ADGRG2: variants seen among roughly 807,000 people sequenced by gnomAD.
The protein encoded by ADGRG2 is adhesion G protein-coupled receptor G2.
ADGRG2 carries 26 observed loss-of-function variants against 74.1 expected under a neutral mutation model. The ratio of observed to expected loss-of-function variants is 0.35; its 90% CI spans 0.26 to 0.49. ADGRG2 has a LOEUF of 0.49. Among genes scored for constraint, ADGRG2 ranks in the 20% least tolerant of loss-of-function variants. The pLI, the probability that ADGRG2 is intolerant of heterozygous loss-of-function variation, is 0.99. For missense variants in ADGRG2, 619 were observed against 763.1 expected (o/e 0.81, Z 2.22); for synonymous variants, 296 against 295.2 (o/e 1.00, Z -0.03).
rs1226501121 is a variant in ADGRG2 at position 18,990,130 on chromosome X, C to A, written c.*734G>T. 1 of 112,668 alleles carries A rather than the reference C, an allele frequency of 8.9e-6. No individual in the cohort carries two copies. The highest frequency in any genetic ancestry group is 2.8e-4 in the East Asian group (1 of 3,550). 9.3% of individuals were successfully genotyped at this position (112,668 alleles called of 1,213,427 possible). ...TGGTCTCTCCACTCTGTTTGTCAAACCATGAGCCCATAGGGCTGTGTCTGC... is the reference window on the plus strand; with the variant it reads ...TGGTCTCTCCACTCTGTTTGTCAAAACATGAGCCCATAGGGCTGTGTCTGC... On this transcript the variant is annotated 3_prime_UTR_variant, in exon 29 of 29. Transcript: ENST00000379869.
At chrX:19,018,908 C>T (rs2060526133) in intron 15 of ADGRG2, among the ~76,000 whole-genome samples, 1 of 111,679 alleles carries the variant, frequency 9.0e-6, no homozygotes, top group Non-Finnish European at 1.9e-5. Flanking sequence ...AGTGGCGCAA[C>T]CTCGGCTCAC....
intron 3 of ADGRG2, among the ~76,000 whole-genome samples, chrX:19,051,301 C>T (rs1008422269): frequency 1.8e-5 from 2 of 111,054 alleles, no homozygotes; most frequent in Non-Finnish European, 3.8e-5. Context: ...GTCTCGATCT[C>T]CTGACCTCGT....
At chrX:19,042,812 G>A (rs952451888) in intron 3 of ADGRG2, among the ~76,000 whole-genome samples, 49 of 111,043 alleles carry the variant, frequency 4.4e-4, no homozygotes, top group Admixed American at 1.4e-3. Context: ...CCAACATGGC[G>A]AAACCCCGTC....
At chrX:19,096,576 T>C (rs894477549) in intron 1 of ADGRG2, among the ~76,000 whole-genome samples, 2 of 111,856 alleles carry the variant, frequency 1.8e-5, no homozygotes, top group African/African-American at 6.5e-5. Flanking sequence ...CCATAAATAT[T>C]ACAAGCTGCT....
intron 26 of ADGRG2, among the ~76,000 whole-genome samples, chrX:18,998,327 T>C (rs1267532855): frequency 9.1e-6 from 1 of 109,801 alleles, no homozygotes; most frequent in East Asian, 2.8e-4. Context: ...ATACAAAAGT[T>C]TTTTTTTTTA....
At chrX:19,045,173 T>C (rs1474155715) in intron 3 of ADGRG2, among the ~76,000 whole-genome samples, 4 of 110,840 alleles carry the variant, frequency 3.6e-5, no homozygotes, top group Non-Finnish European at 7.5e-5. Context: ...TCATTGCTTG[T>C]AGACCTGAGA....
intron 3 of ADGRG2, among the ~76,000 whole-genome samples, chrX:19,051,298 T>A (rs1391494078): frequency 9.0e-6 from 1 of 110,841 alleles, no homozygotes; most frequent in African/African-American, 3.3e-5. Flanking sequence ...ATGGTCTCGA[T>A]CTCCTGACCT....
chrX:19,001,065 G>A (rs1289271139), intron 24 of ADGRG2, among the ~76,000 whole-genome samples: 1 of 111,268 alleles, frequency 9.0e-6, no homozygotes, highest in Non-Finnish European at 1.9e-5. Context: ...TGTCTGGAAT[G>A]TATATTTAAG....
At chrX:19,099,535 G>A (rs1335890692) in intron 1 of ADGRG2, among the ~76,000 whole-genome samples, 2 of 112,233 alleles carry the variant, frequency 1.8e-5, no homozygotes, top group Non-Finnish European at 3.8e-5. Context: ...GCAGGGCACA[G>A]AGAGGTTAAA....
chrX:19,108,167 A>T (rs2062347946), intron 1 of ADGRG2, among the ~76,000 whole-genome samples: 1 of 108,505 alleles, frequency 9.2e-6, no homozygotes, highest in Non-Finnish European at 1.9e-5. Flanking sequence ...CTAGAACTTA[A>T]TAAAAAAAGT....
In ADGRG2 at chrX:19,093,300, C is replaced by G. The variant is rs6629315; in HGVS notation, c.-46-10554G>C. 0.015 allele frequency among the ~76,000 whole-genome samples: 1,697 copies of G among 111,758 alleles called. 57 individuals carry two copies. In the East Asian group the frequency reaches 0.18, roughly 12 times the overall value. ...TCAGATCTCAGGTTACTCCTCCTCT[C>G]AGCAGTCTTGAATGGTAGATCCCAC... On this transcript the variant is annotated intron_variant, in intron 1 of 28. Transcript: ENST00000379869.
intron 3 of ADGRG2, among the ~76,000 whole-genome samples, chrX:19,042,476 C>T (rs747398342): frequency 9.0e-6 from 1 of 111,273 alleles, no homozygotes; most frequent in Non-Finnish European, 1.9e-5. Flanking sequence ...GGCCATAGTT[C>T]CAACCTTCTC....
intron 7 of ADGRG2, chrX:19,035,080 A>G (rs2060910466): frequency 8.9e-6 from 1 of 112,501 alleles, no homozygotes; most frequent in Non-Finnish European, 1.9e-5. Flanking sequence ...ACTAGTAATC[A>G]TGAATGAAAA....
chrX:19,011,450 T>C, intron 16 of ADGRG2, among the ~76,000 whole-genome samples: 1 of 112,652 alleles, frequency 8.9e-6, no homozygotes, highest in East Asian at 2.8e-4. Context: ...TCAGTGTATT[T>C]AGTATATACT....
At chrX:19,036,697 A>G (rs908439900) in intron 6 of ADGRG2, among the ~76,000 whole-genome samples, 1 of 110,355 alleles carries the variant, frequency 9.1e-6, no homozygotes, top group Non-Finnish European at 1.9e-5. Context: ...TGAAGATATT[A>G]TTTTCACTGT....
At chrX:19,095,809 T>C (rs1056075008) in intron 1 of ADGRG2, among the ~76,000 whole-genome samples, 13 of 109,425 alleles carry the variant, frequency 1.2e-4, no homozygotes, top group African/African-American at 3.7e-4. Flanking sequence ...AGTCCAGGAG[T>C]TGGAGTCCAG....
chrX:19,081,030 T>C (rs894264098), intron 2 of ADGRG2, among the ~76,000 whole-genome samples: 24 of 110,904 alleles, frequency 2.2e-4, no homozygotes, highest in African/African-American at 7.5e-4. Context: ...AAGGCAGATA[T>C]CTTTCCTGCC....
intron 22 of ADGRG2, among the ~76,000 whole-genome samples, chrX:19,005,201 G>A (rs1264108607): frequency 8.9e-6 from 1 of 112,329 alleles, no homozygotes; most frequent in Non-Finnish European, 1.9e-5. Context: ...CTGCAATTTA[G>A]CTCCTGCCTC....
At chrX:19,045,272 G>A (rs909795714) in intron 3 of ADGRG2, among the ~76,000 whole-genome samples, 1 of 104,564 alleles carries the variant, frequency 9.6e-6, no homozygotes, top group Non-Finnish European at 1.9e-5. Context: ...GACCATAATC[G>A]AATACAGAAA....
Sources: allele counts gnomAD v4.1 joint callset (sites outside exome capture counted in the v4.1 genomes callset), GRCh38; gene constraint gnomAD v4.1.1; transcripts MANE v1.5; gene names NCBI Gene and HGNC (gene_info 2026-07-23, HGNC 2026-07-21).